The following KIR2DL3 variants were observed in gnomAD, a reference collection of about 807,000 sequenced individuals.
KIR2DL3 encodes the protein killer cell immunoglobulin like receptor, two Ig domains and long cytoplasmic tail 3.
In KIR2DL3, 39 loss-of-function variants were observed where a neutral mutation model predicts 33.8. The ratio of observed to expected loss-of-function variants is 1.15; its 90% CI spans 0.89 to 1.51. The LOEUF (loss-of-function observed/expected upper bound fraction) is 1.51. Ranked by LOEUF, KIR2DL3 falls within the 40% of genes most tolerant of loss-of-function variation. The pLI is 0.00. For synonymous variants in KIR2DL3, 174 were observed against 160.2 expected, an observed-to-expected ratio of 1.09 and a Z score of -0.65; for missense variants, 462 against 426.2, an observed-to-expected ratio of 1.08 and a Z score of -0.74.
chr19:54,742,915 CAT>C, intron 3 of KIR2DL3, among the ~76,000 whole-genome samples: 1 of 151,574 alleles, frequency 6.6e-6, no homozygotes. Context: ...AAAGCAAAGA[CAT>C]AAACACACAG....
Position 54,752,872 on chromosome 19 carries a change from C to G in KIR2DL3, c.*353C>G. On this transcript the variant is annotated 3_prime_UTR_variant, in exon 8 of 8. Transcript: ENST00000342376. ...AATCACACTGAGGAACTCACAATTC[C>G]AAACATACAAGAGGCTCCCTCTTAA... The G allele has an allele frequency of 2.3e-6, 1 of 432,584 alleles. No individual in the cohort carries two copies. Among genetic ancestry groups the G allele is most frequent in the South Asian group, 2.5e-5 (1 of 39,220 alleles). The allele number at this position is 432,584 out of a possible 1,614,324, so 26.8% of individuals were successfully genotyped here.
At chr19:54,742,704 C>A (rs1204780308) in intron 3 of KIR2DL3, among the ~76,000 whole-genome samples, 15 of 149,482 alleles carry the variant, frequency 1.0e-4, no homozygotes, top group Non-Finnish European at 2.1e-4. Context: ...CTTGTGGCAC[C>A]TACAGGCCAT....
chr19:54,744,161 G>T (rs1349410887), intron 4 of KIR2DL3, 73 bp downstream of exon 4: 30 of 1,593,464 alleles, frequency 1.9e-5, no homozygotes, highest in African/African-American at 1.1e-4. Context: ...TGCTGATGAT[G>T]GAGAGAAGCA....
intron 4 of KIR2DL3, among the ~76,000 whole-genome samples, chr19:54,745,295 C>G (rs1377128762): frequency 6.6e-6 from 1 of 152,100 alleles, no homozygotes; most frequent in African/African-American, 2.4e-5. Flanking sequence ...GATTTACTTT[C>G]CTTTGGATAT....
rs1290119985 is a variant in KIR2DL3, at chr19:54,742,066, G to A, written c.157G>A (p.Val53Ile). ...AGTCATCCTGCAATGTTGGTCAGAT[G>A]TCAGGTTTCAGCACTTCCTTCTGCA... is the stretch of plus-strand genomic sequence containing the variant. ...ETVILQCWSD[V>I]RFQHFLLHRE... is the part of the protein sequence containing the mutation. The change falls in exon 3 of 8, where the codon GTC (valine) becomes ATC (isoleucine). Residue 53 changes from valine to isoleucine, a missense_variant. Val to Ile is a conservative substitution (Grantham distance 29). Coordinates refer to ENST00000342376, the MANE Select transcript of KIR2DL3 (RefSeq NM_015868.3). 1.2e-5 allele frequency: 20 copies of A among 1,613,462 alleles called. No homozygotes were observed. Among genetic ancestry groups the A allele is most frequent in the Non-Finnish European group, 1.5e-5 (18 of 1,179,782 alleles).
chr19:54,740,085 T>C (rs550427053), intron 2 of KIR2DL3, among the ~76,000 whole-genome samples: 11 of 152,352 alleles, frequency 7.2e-5, no homozygotes, highest in African/African-American at 2.6e-4. Flanking sequence ...CTCAAAGTTC[T>C]CAGCTGAGGC....
chr19:54,744,644 A>C, intron 4 of KIR2DL3, among the ~76,000 whole-genome samples: 1 of 150,168 alleles, frequency 6.7e-6, no homozygotes, highest in Non-Finnish European at 1.5e-5. Flanking sequence ...CTCCTGCTTC[A>C]GCCACCTGAG....
intron 2 of KIR2DL3, among the ~76,000 whole-genome samples, chr19:54,741,750 C>A (rs60955532): frequency 0.57 from 83,574 of 147,072 alleles, 24,338 homozygotes; most frequent in Middle Eastern, 0.67. Context: ...AGATGAGGCT[C>A]AGCCCAGTGG....
intron 4 of KIR2DL3, among the ~76,000 whole-genome samples, chr19:54,744,954 A>AT (rs71195797): frequency 1.1e-3 from 34 of 31,284 alleles, no homozygotes; most frequent in South Asian, 1.1e-3. Flanking sequence ...ATATATATAT[A>AT]TTTTTTTTTT....
chr19:54,739,473 C>T, intron 1 of KIR2DL3, 34 bp from the exon 2 acceptor site: 2 of 1,613,750 alleles, frequency 1.2e-6, no homozygotes, highest in Non-Finnish European at 1.7e-6. Context: ...GGTTTGCCTG[C>T]AGATGGATGG....
At chr19:54,750,709 A>T (rs1167313139) in intron 5 of KIR2DL3, among the ~76,000 whole-genome samples, 2 of 139,178 alleles carry the variant, frequency 1.4e-5, no homozygotes, top group African/African-American at 5.4e-5. Flanking sequence ...GGGAGACAGA[A>T]CACACAGAGA....
chr19:54,744,186 G>A, intron 4 of KIR2DL3, 98 bp downstream of exon 4: 4 of 1,552,558 alleles, frequency 2.6e-6, no homozygotes, highest in Non-Finnish European at 2.6e-6. Context: ...CAGATGCAGA[G>A]AGAAGACGAA....
At position 54,743,700 on chromosome 19, in the gene KIR2DL3, T is replaced by C. The variant is rs1162251522; in HGVS notation, c.371-95T>C. The C allele has an allele frequency of 1.2e-3, 1,112 of 922,948 alleles. 3 individuals carry two copies. In the African/African-American group the frequency reaches 0.017, roughly 14 times the overall value. The allele number at this position is 922,948 out of a possible 1,614,324, so 57.2% of individuals were successfully genotyped here. A position where few individuals can be genotyped will look rare whatever the true frequency, so the allele number is the denominator to read the frequency against. On this transcript the variant is annotated intron_variant, in intron 3 of 7. Transcript: ENST00000342376. ...GTGAGAGAGAGAGAGAGAGAGAGCATTAGGTCATAGAGCAGGGGAGTGAGT... is the reference window on the plus strand; with the variant it reads ...GTGAGAGAGAGAGAGAGAGAGAGCACTAGGTCATAGAGCAGGGGAGTGAGT...
intron 4 of KIR2DL3, among the ~76,000 whole-genome samples, chr19:54,744,873 T>TATATATATATATA (rs1416624582): frequency 1.4e-4 from 8 of 55,734 alleles, no homozygotes; most frequent in Non-Finnish European, 3.5e-5. Context: ...AATACATTTA[T>TATATATATATATA]ATATATATAT....
At chr19:54,740,766 T>A (rs558222797) in intron 2 of KIR2DL3, among the ~76,000 whole-genome samples, 132 of 151,912 alleles carry the variant, frequency 8.7e-4, no homozygotes, top group Non-Finnish European at 1.8e-3. Flanking sequence ...ATTTATGTTA[T>A]AGGGGAAGGG....
At chr19:54,739,939 G>T (rs1321820923) in intron 2 of KIR2DL3, among the ~76,000 whole-genome samples, 1 of 152,196 alleles carries the variant, frequency 6.6e-6, no homozygotes, top group Non-Finnish European at 1.5e-5. Context: ...GGGCTCAGTT[G>T]TTTATTTTCG....
chr19:54,749,015 G>C (rs1334838113), intron 5 of KIR2DL3, among the ~76,000 whole-genome samples: 1 of 152,016 alleles, frequency 6.6e-6, no homozygotes, highest in African/African-American at 2.4e-5. Flanking sequence ...TGACATTAAT[G>C]AAAAACACGG....
chr19:54,746,440 G>C (rs199951806), intron 4 of KIR2DL3, among the ~76,000 whole-genome samples: 2,363 of 118,234 alleles, frequency 0.02, 1 homozygote, highest in Middle Eastern at 0.059. Context: ...CTTGTGTTTT[G>C]AAGGTTTAAA....
intron 4 of KIR2DL3, among the ~76,000 whole-genome samples, chr19:54,746,754 G>C (rs142188404): frequency 7.2e-6 from 1 of 138,742 alleles, no homozygotes; most frequent in Admixed American, 7.4e-5. Flanking sequence ...AGCCCAAGGC[G>C]GGTGGATCAC....
Sources: gnomAD v4.1 joint callset for allele counts (sites outside exome capture counted in the v4.1 genomes callset) on GRCh38, gnomAD v4.1.1 for gene constraint, MANE v1.5 for transcripts, NCBI Gene and HGNC (gene_info 2026-07-23, HGNC 2026-07-21) for gene names.